The following LRFN2 variants were observed in gnomAD, a reference collection of about 807,000 sequenced individuals.
LRFN2 encodes the protein leucine rich repeat and fibronectin type III domain containing 2, also known as leucine-rich repeat and fibronectin type-III domain-containing protein 2.
In LRFN2, 18 loss-of-function variants were observed where a neutral mutation model predicts 37.3. The ratio of observed to expected loss-of-function variants is 0.48; its 90% confidence interval spans 0.33 to 0.72. The LOEUF is 0.72. LRFN2 is among the 30% of genes least tolerant of loss of function. The probability of loss-of-function intolerance (pLI) is 0.02; values close to 1 mark genes in which losing one functional copy is unlikely to be tolerated. For synonymous variants in LRFN2, 556 were observed against 466.6 expected, an observed-to-expected ratio of 1.19 and a Z score of -2.47; for missense variants, 1,006 against 1,060.7, an observed-to-expected ratio of 0.95 and a Z score of 0.72.
intron 1 of LRFN2, among the ~76,000 whole-genome samples, chr6:40,501,946 G>T (rs1360383639): frequency 6.6e-6 from 1 of 152,184 alleles, no homozygotes; most frequent in African/African-American, 2.4e-5. Flanking sequence ...GTGACTTCAT[G>T]AAGCATGTCC....
chr6:40,447,560 C>A (rs1764001091), intron 1 of LRFN2, among the ~76,000 whole-genome samples: 1 of 152,194 alleles, frequency 6.6e-6, no homozygotes, highest in Admixed American at 6.6e-5. Context: ...AAAGACTTGA[C>A]TTTGCTCAAA....
intron 1 of LRFN2, among the ~76,000 whole-genome samples, chr6:40,560,426 A>G (rs1187907298): frequency 6.6e-6 from 1 of 152,164 alleles, no homozygotes; most frequent in East Asian, 1.9e-4. Flanking sequence ...GAAATGATGG[A>G]CCGCACCATC....
chr6:40,475,190 C>T (rs1764682726), intron 1 of LRFN2, among the ~76,000 whole-genome samples: 1 of 152,204 alleles, frequency 6.6e-6, no homozygotes, highest in Non-Finnish European at 1.5e-5. Context: ...AGCACTGAGC[C>T]TATGTGTTTG....
intron 1 of LRFN2, among the ~76,000 whole-genome samples, chr6:40,536,214 G>A (rs986033927): frequency 6.6e-6 from 1 of 152,032 alleles, no homozygotes; most frequent in Non-Finnish European, 1.5e-5. Flanking sequence ...TGAGTGGGGG[G>A]CCGGTTCTGT....
At chr6:40,585,471 C>A (rs867355490) in intron 1 of LRFN2, among the ~76,000 whole-genome samples, 1 of 152,094 alleles carries the variant, frequency 6.6e-6, no homozygotes, top group African/African-American at 2.4e-5. Context: ...GGACTCTGAC[C>A]CCCTTCAGCC....
Position 40,585,738 on chromosome 6 carries a change from G to C in LRFN2, c.-19+1203C>G, listed in dbSNP as rs76439921. 3.9e-3 allele frequency among the ~76,000 whole-genome samples: 590 copies of C among 152,144 alleles called. 6 individuals carry two copies. Among genetic ancestry groups the C allele is most frequent in the African/African-American group, 0.013 (558 of 41,526 alleles). On this transcript the variant is annotated intron_variant, in intron 1 of 2. Transcript: ENST00000338305. Reference sequence around the variant, plus strand: ...CTAGCTTTGCTCCTCCCCAGCAGCAGGGGGTCAAATTCCTGAAGCTTCCCC... The same window carrying C: ...CTAGCTTTGCTCCTCCCCAGCAGCACGGGGTCAAATTCCTGAAGCTTCCCC...
intron 1 of LRFN2, among the ~76,000 whole-genome samples, chr6:40,459,400 G>A (rs970646042): frequency 3.9e-5 from 6 of 152,242 alleles, no homozygotes; most frequent in Non-Finnish European, 7.3e-5. Context: ...AGAGTAAGAA[G>A]CTTGGAGAGG....
intron 1 of LRFN2, among the ~76,000 whole-genome samples, chr6:40,547,400 T>C (rs1766686743): frequency 6.6e-6 from 1 of 152,130 alleles, no homozygotes; most frequent in Non-Finnish European, 1.5e-5. Context: ...CCATCGCGCC[T>C]GGCCACAAAC....
chr6:40,566,605 A>G (rs1302553418), intron 1 of LRFN2, among the ~76,000 whole-genome samples: 2 of 151,686 alleles, frequency 1.3e-5, no homozygotes, highest in Non-Finnish European at 2.9e-5. Context: ...GAAGCTGGAA[A>G]CCATCATTCT....
chr6:40,525,926 G>A (rs1766242142), intron 1 of LRFN2, among the ~76,000 whole-genome samples: 1 of 152,122 alleles, frequency 6.6e-6, no homozygotes, highest in African/African-American at 2.4e-5. Context: ...CCCCCTCAGA[G>A]GGCCAGCTAC....
intron 1 of LRFN2, among the ~76,000 whole-genome samples, chr6:40,456,518 T>C (rs1487900013): frequency 6.6e-6 from 1 of 152,212 alleles, no homozygotes; most frequent in Non-Finnish European, 1.5e-5. Context: ...CTTGTGCTCT[T>C]GTGTGTGGCC....
intron 2 of LRFN2, among the ~76,000 whole-genome samples, chr6:40,416,979 C>T (rs1303129948): frequency 6.6e-6 from 1 of 152,226 alleles, no homozygotes; most frequent in East Asian, 1.9e-4. Context: ...AACCTGGGCG[C>T]TCCTGCTTTC....
chr6:40,445,350 G>A (rs771634121), intron 1 of LRFN2, among the ~76,000 whole-genome samples: 45 of 152,158 alleles, frequency 3.0e-4, no homozygotes, highest in Admixed American at 4.6e-4. Context: ...AGTTGGAATC[G>A]CAGTCCAGGT....
At chr6:40,524,725 AGG>A (rs746013670) in intron 1 of LRFN2, among the ~76,000 whole-genome samples, 1 of 152,158 alleles carries the variant, frequency 6.6e-6, no homozygotes, top group Non-Finnish European at 1.5e-5. Flanking sequence ...CCCAGGAGAG[AGG>A]GGCCCTCCAG....
At chr6:40,524,765 G>T (rs981513002) in intron 1 of LRFN2, among the ~76,000 whole-genome samples, 6 of 152,202 alleles carry the variant, frequency 3.9e-5, no homozygotes, top group African/African-American at 7.2e-5. Context: ...CATGACAGAA[G>T]CTTATAGAAA....
At chr6:40,433,256 A>C (rs893434948) in intron 1 of LRFN2, 125 bp from the exon 2 acceptor site, 3 of 694,704 alleles carry the variant, frequency 4.3e-6, no homozygotes, top group Non-Finnish European at 4.6e-6. Flanking sequence ...GTGCTCAAGC[A>C]AGACCTAATC....
intron 2 of LRFN2, among the ~76,000 whole-genome samples, chr6:40,404,874 C>T (rs1762810095): frequency 6.6e-6 from 1 of 152,190 alleles, no homozygotes; most frequent in African/African-American, 2.4e-5. Flanking sequence ...CTCCATGGTT[C>T]CTAAGACCTC....
At chr6:40,515,772 A>C (rs555037084) in intron 1 of LRFN2, among the ~76,000 whole-genome samples, 80 of 152,018 alleles carry the variant, frequency 5.3e-4, no homozygotes, top group Non-Finnish European at 7.8e-4. Context: ...ATGTGACTGT[A>C]ATCCCAGGTA....
intron 1 of LRFN2, among the ~76,000 whole-genome samples, chr6:40,489,805 C>A (rs1401325762): frequency 6.6e-6 from 1 of 152,090 alleles, no homozygotes; most frequent in Admixed American, 6.5e-5. Context: ...CACCTGTCCT[C>A]CCTCCCATCT....
Sources: allele counts gnomAD v4.1 joint callset (sites outside exome capture counted in the v4.1 genomes callset), GRCh38; gene constraint gnomAD v4.1.1; transcripts MANE v1.5; gene names NCBI Gene and HGNC (gene_info 2026-07-23, HGNC 2026-07-21).